Variants in IQCK observed in about 807,000 individuals in gnomAD.
IQCK encodes the protein IQ motif containing K.
IQCK carries 29 observed loss-of-function variants against 28.1 expected under a neutral mutation model. The observed-to-expected ratio is 1.03, with a 90% CI of 0.77 to 1.41. The LOEUF is 1.41. Ranked by LOEUF, IQCK falls within the 40% of genes most tolerant of loss-of-function variation. The pLI is 0.00. For missense variants in IQCK, 359 were observed against 314.7 expected, an observed-to-expected ratio of 1.14 and a Z score of -1.07; for synonymous variants, 113 against 115.1, an observed-to-expected ratio of 0.98 and a Z score of 0.12.
At chr16:19,753,808 AG>A (rs2055017626) in intron 4 of IQCK, among the ~76,000 whole-genome samples, 1 of 151,966 alleles carries the variant, frequency 6.6e-6, no homozygotes. Context: ...TAGCAGAGTC[AG>A]CTTTATCCCG....
At chr16:19,783,234 G>A (rs980975042) in intron 6 of IQCK, among the ~76,000 whole-genome samples, 14 of 152,128 alleles carry the variant, frequency 9.2e-5, no homozygotes, top group African/African-American at 3.1e-4. Flanking sequence ...CCTGACCTCA[G>A]GTGATCCACC....
rs549730610 is a variant in IQCK, at chr16:19,814,363, C to G, written c.691-12663C>G. Reference sequence around the variant, plus strand: ...GAGGTTGCAGTGAGCCGAGATCGCACCATCGCACTCCAGCCTGGGTGACGA... The same window carrying G: ...GAGGTTGCAGTGAGCCGAGATCGCAGCATCGCACTCCAGCCTGGGTGACGA... On this transcript the variant is annotated intron_variant, in intron 7 of 7. Transcript: ENST00000564186. 6.6e-5 allele frequency among the ~76,000 whole-genome samples: 10 copies of G among 152,006 alleles called. No homozygotes were observed. In the South Asian group the frequency reaches 2.1e-3, roughly 32 times the overall value.
downstream of IQCK, among the ~76,000 whole-genome samples, chr16:19,828,155 T>A (rs570317986): frequency 6.6e-6 from 1 of 151,960 alleles, no homozygotes; most frequent in African/African-American, 2.4e-5. Context: ...TCAAGTGATC[T>A]GCTGCCTCGG....
chr16:19,754,577 A>C (rs191754460), intron 4 of IQCK, among the ~76,000 whole-genome samples: 39 of 152,176 alleles, frequency 2.6e-4, no homozygotes, highest in Non-Finnish European at 4.6e-4. Flanking sequence ...TGATGATCTC[A>C]CGACACAAAA....
At chr16:19,807,321 A>G (rs557100429) in intron 7 of IQCK, among the ~76,000 whole-genome samples, 2 of 152,182 alleles carry the variant, frequency 1.3e-5, no homozygotes, top group Non-Finnish European at 2.9e-5. Flanking sequence ...TATGTTCCTA[A>G]TCTTCAGAAA....
intron 1 of IQCK, among the ~76,000 whole-genome samples, chr16:19,727,588 C>G (rs538018007): frequency 1.8e-4 from 23 of 128,210 alleles, no homozygotes; most frequent in Admixed American, 5.8e-4. Context: ...CTTTGTCACC[C>G]CCCCCCCCCA....
At chr16:19,724,176 A>G (rs1316659632) in intron 1 of IQCK, among the ~76,000 whole-genome samples, 1 of 151,730 alleles carries the variant, frequency 6.6e-6, no homozygotes, top group East Asian at 1.9e-4. Context: ...GAACATCCCT[A>G]CCTTCTCATT....
intron 1 of IQCK, among the ~76,000 whole-genome samples, chr16:19,726,051 G>A (rs1050701860): frequency 2.0e-5 from 3 of 151,996 alleles, no homozygotes; most frequent in Admixed American, 1.3e-4. Context: ...AAGTAGCTGG[G>A]ACTACAGGCG....
chr16:19,814,063 C>CA (rs1324822361), intron 7 of IQCK, among the ~76,000 whole-genome samples: 3 of 151,388 alleles, frequency 2.0e-5, no homozygotes, highest in Admixed American at 6.6e-5. Context: ...ACTAAAAATA[C>CA]AAAAAAATTA....
chr16:19,784,180 C>A lies in IQCK; in HGVS notation c.606-4658C>A, dbSNP rs141146641. 4.3e-3 allele frequency among the ~76,000 whole-genome samples: 648 copies of A among 152,134 alleles called. 1 individual carries two copies. The highest frequency in any genetic ancestry group is 7.1e-3 in the Non-Finnish European group (480 of 67,996). On this transcript the variant is annotated intron_variant, in intron 6 of 7. Coordinates refer to ENST00000564186, the Ensembl canonical transcript of IQCK. Reference sequence around the variant, plus strand: ...TTACTGTAAAGTTCAACAAAGAGGGCGTTTTCTATGATTCTGCACCCTCCC... The same window carrying A: ...TTACTGTAAAGTTCAACAAAGAGGGAGTTTTCTATGATTCTGCACCCTCCC...
chr16:19,741,017 C>T (rs1292414857), intron 4 of IQCK, among the ~76,000 whole-genome samples: 2 of 151,440 alleles, frequency 1.3e-5, no homozygotes, highest in Non-Finnish European at 2.9e-5. Context: ...CAGGATGAGT[C>T]GCCCATGTTT....
chr16:19,762,874 G>C (rs1370864440), intron 4 of IQCK, among the ~76,000 whole-genome samples: 1 of 152,100 alleles, frequency 6.6e-6, no homozygotes, highest in Non-Finnish European at 1.5e-5. Context: ...AAATTAGCCA[G>C]GCGTGGTGGT....
At chr16:19,746,186 AT>A (rs1284689132) in intron 4 of IQCK, among the ~76,000 whole-genome samples, 1 of 122,598 alleles carries the variant, frequency 8.2e-6, no homozygotes, top group Non-Finnish European at 1.6e-5. Context: ...GTCTAGCTTC[AT>A]TTCTTTTTTT....
intron 4 of IQCK, among the ~76,000 whole-genome samples, chr16:19,750,096 C>A (rs140273535): frequency 1.0e-3 from 156 of 152,144 alleles, no homozygotes; most frequent in African/African-American, 3.5e-3. Flanking sequence ...ATGTAAATAA[C>A]AATAGTAATT....
chr16:19,853,666 C>T (rs1296563277), intron 9 of IQCK, among the ~76,000 whole-genome samples: 1 of 152,174 alleles, frequency 6.6e-6, no homozygotes. Context: ...CAGTCTTGCT[C>T]TGCCACCCAG....
intron 6 of IQCK, among the ~76,000 whole-genome samples, chr16:19,786,860 A>G (rs555671305): frequency 4.2e-5 from 3 of 71,232 alleles, no homozygotes; most frequent in South Asian, 1.4e-3. Flanking sequence ...AAGGAAGGAA[A>G]GAAAGAAAGA....
intron 7 of IQCK, among the ~76,000 whole-genome samples, chr16:19,811,833 A>G (rs1240194428): frequency 6.6e-6 from 1 of 152,188 alleles, no homozygotes; most frequent in Non-Finnish European, 1.5e-5. Flanking sequence ...GATCATTAGA[A>G]TCACCTAGGT....
intron 7 of IQCK, among the ~76,000 whole-genome samples, chr16:19,805,587 G>T (rs1012688067): frequency 6.6e-6 from 1 of 152,158 alleles, no homozygotes; most frequent in Non-Finnish European, 1.5e-5. Context: ...ATGTCAAAGA[G>T]TGTGTCAGTT....
intron 4 of IQCK, among the ~76,000 whole-genome samples, chr16:19,744,998 A>G (rs1013475140): frequency 1.3e-5 from 2 of 152,248 alleles, no homozygotes; most frequent in Admixed American, 6.5e-5. Context: ...TCGTTGGCCA[A>G]TAAGTGAAGA....
Sources: gnomAD v4.1 joint callset for allele counts (sites outside exome capture counted in the v4.1 genomes callset) on GRCh38, gnomAD v4.1.1 for gene constraint, MANE v1.5 for transcripts, NCBI Gene and HGNC (gene_info 2026-07-23, HGNC 2026-07-21) for gene names.